CCPG1: variants seen among roughly 807,000 people sequenced by gnomAD.
The protein encoded by CCPG1 is cell cycle progression protein 1.
A neutral mutation model predicts 81.3 loss-of-function variants in CCPG1; 46 were observed. The observed-to-expected ratio is 0.57, with a 90% CI of 0.45 to 0.72. The LOEUF (loss-of-function observed/expected upper bound fraction) is 0.72, where lower values mean the gene tolerates loss of function less well. CCPG1 is among the 30% of genes least tolerant of loss of function. The probability of loss-of-function intolerance (pLI) is 0.00; values close to 1 mark genes in which losing one functional copy is unlikely to be tolerated. For missense variants in CCPG1, 902 were observed against 937.6 expected, an observed-to-expected ratio of 0.96 and a Z score of 0.50; for synonymous variants, 330 against 305.2, an observed-to-expected ratio of 1.08 and a Z score of -0.85.
At chr15:55,383,192 T>A (rs2056735632) in intron 3 of CCPG1, among the ~76,000 whole-genome samples, 1 of 152,228 alleles carries the variant, frequency 6.6e-6, no homozygotes, top group Non-Finnish European at 1.5e-5. Flanking sequence ...TCCTTGTACA[T>A]CTCCATCAGA....
intron 1 of CCPG1, among the ~76,000 whole-genome samples, chr15:55,398,683 G>C (rs147792990): frequency 0.036 from 5,541 of 152,030 alleles, 101 homozygotes; most frequent in African/African-American, 0.05. Context: ...CCGGGTTCAA[G>C]AGATTCTCCT....
intron 6 of CCPG1, among the ~76,000 whole-genome samples, chr15:55,365,633 A>T (rs2056310990): frequency 2.6e-5 from 4 of 151,324 alleles, no homozygotes; most frequent in Admixed American, 1.3e-4. Flanking sequence ...GGCTGGTCTC[A>T]AACTCCCGGC....
chr15:55,356,868 C>G (rs996501332), intron 8 of CCPG1: 1 of 986,164 alleles, frequency 1.0e-6, no homozygotes, highest in Non-Finnish European at 1.2e-6. Flanking sequence ...ATCAGGCTTC[C>G]GTCACTACTT....
chr15:55,371,984 C>A lies in CCPG1; in HGVS notation c.515G>T (p.Ser172Ile), dbSNP rs373187976. The change falls in exon 6 of 9, where the codon AGT becomes ATT. Residue 172 changes from serine to isoleucine, a missense_variant. Physicochemically the swap from Ser to Ile is moderately radical, Grantham distance 142. This residue lies in a region of CCPG1 where 746 missense variants were observed against 728.6 expected (regional missense o/e 1.02). Coordinates refer to ENST00000442196, the MANE Select transcript of CCPG1 (RefSeq NM_001204450.2). ...SSSDETSNQP[S>I]PAFRRRRARK... ...AGCACGGCGTCGTCTAAAGGCAGGA[C>A]TGGGCTGATTACTGGTTTCATCACT... 1.2e-6 allele frequency: 2 copies of A among 1,614,110 alleles called. No homozygotes were observed. The highest frequency in any genetic ancestry group is 2.2e-5 in the East Asian group (1 of 44,890).
At chr15:55,370,936 C>T (rs1396626828) in intron 6 of CCPG1, among the ~76,000 whole-genome samples, 4 of 146,376 alleles carry the variant, frequency 2.7e-5, no homozygotes, top group African/African-American at 1.0e-4. Flanking sequence ...CATGGCAAAA[C>T]CCCGTCTCTA....
At chr15:55,375,865 T>C (rs2056555184) in intron 5 of CCPG1, among the ~76,000 whole-genome samples, 1 of 152,094 alleles carries the variant, frequency 6.6e-6, no homozygotes, top group African/African-American at 2.4e-5. Flanking sequence ...TGGCTTTTTA[T>C]TATTTGTAGA....
intron 6 of CCPG1, among the ~76,000 whole-genome samples, chr15:55,365,690 T>C (rs981287790): frequency 2.6e-5 from 4 of 151,852 alleles, no homozygotes; most frequent in African/African-American, 9.7e-5. Context: ...TGGGATTACA[T>C]GTGTGAGCCA....
intron 1 of CCPG1, chr15:55,398,360 T>TC (rs2057062710): frequency 6.6e-6 from 1 of 151,960 alleles, no homozygotes; most frequent in Non-Finnish European, 1.5e-5. Context: ...CGTCTACAAT[T>TC]CCGAAGTAAG....
At chr15:55,402,399 T>C (rs548935342) in intron 1 of CCPG1, among the ~76,000 whole-genome samples, 18 of 152,238 alleles carry the variant, frequency 1.2e-4, no homozygotes, top group African/African-American at 4.1e-4. Context: ...GGCTAATTTT[T>C]GTATTTTTAG....
chr15:55,406,789 A>C (rs536564528), intron 1 of CCPG1, among the ~76,000 whole-genome samples: 1 of 152,252 alleles, frequency 6.6e-6, no homozygotes, highest in South Asian at 2.1e-4. Context: ...TGGTTTACAA[A>C]ATTGCAATTA....
rs549458968 is a variant in CCPG1 at position 55,395,998 on chromosome 15, A to G, written c.-9-6565T>C. 2.0e-5 allele frequency among the ~76,000 whole-genome samples: 3 copies of G among 152,198 alleles called. No homozygotes were observed. The South Asian group carries it at 6.2e-4, about 32-fold the overall frequency. On this transcript the variant is annotated intron_variant, in intron 1 of 8. Coordinates refer to ENST00000442196, the MANE Select transcript of CCPG1 (RefSeq NM_001204450.2). ...GTGAAACCCCATCTCTACTAAAAAT[A>G]CAAAAATTAGTCGGGCATGCTGGCG...
intron 3 of CCPG1, among the ~76,000 whole-genome samples, chr15:55,379,537 CAG>C (rs1203784751): frequency 1.3e-5 from 2 of 151,742 alleles, no homozygotes; most frequent in Non-Finnish European, 2.9e-5. Context: ...AAAAAAAAGT[CAG>C]AGAGAGGGCA....
rs2056174203 is a variant in CCPG1, at chr15:55,360,656, C to A, written c.1117G>T (p.Glu373Ter). ...ATCTTTGCTTCTGTCAACAGAGTCT[C>A]CCTTTGACTAAGAAAGCTGTGTTTT... ...QKKHSFLSQR[E>*]TLLTEAKMLK... The change falls in exon 8 of 9, where the codon GAG becomes TAG. Residue 373 changes from glutamate to a stop codon, truncating the protein, a stop_gained. Transcript: ENST00000442196. LOFTEE classifies it high-confidence loss of function. 1 of 1,614,002 alleles carries A rather than the reference C, an allele frequency of 6.2e-7. No individual in the cohort carries two copies.
chr15:55,394,678 T>C (rs1379675565), intron 1 of CCPG1, among the ~76,000 whole-genome samples: 1 of 152,030 alleles, frequency 6.6e-6, no homozygotes, highest in African/African-American at 2.4e-5. Context: ...ACAGAACTGA[T>C]CTTTATGGTT....
At chr15:55,405,485 A>C (rs2057200571) in intron 1 of CCPG1, among the ~76,000 whole-genome samples, 1 of 152,136 alleles carries the variant, frequency 6.6e-6, no homozygotes, top group African/African-American at 2.4e-5. Flanking sequence ...AGCTACTAGG[A>C]AGCAGAGGTT....
chr15:55,366,932 A>G lies in CCPG1; in HGVS notation c.707-1623T>C, dbSNP rs145917386. Among the ~76,000 whole-genome samples, 24 of 152,342 alleles carry G rather than the reference A, an allele frequency of 1.6e-4. 1 individual carries two copies. The East Asian group carries it at 4.2e-3, about 27-fold the overall frequency. ...ATGCAGTTAGCAACCTTAACATTAC[A>G]TCTACTGAGTATAGATACTATAGAA... On this transcript the variant is annotated intron_variant, in intron 6 of 8. Coordinates refer to ENST00000442196, the MANE Select transcript of CCPG1 (RefSeq NM_001204450.2).
At chr15:55,356,465 A>T in intron 8 of CCPG1, 56 bp from the exon 9 acceptor site, 1 of 1,385,216 alleles carries the variant, frequency 7.2e-7, no homozygotes, top group Non-Finnish European at 9.5e-7. Flanking sequence ...ATTTAAATTT[A>T]AAACAATTTT....
chr15:55,405,957 C>T (rs1413835807), intron 1 of CCPG1, among the ~76,000 whole-genome samples: 2 of 152,180 alleles, frequency 1.3e-5, no homozygotes, highest in Non-Finnish European at 2.9e-5. Context: ...TTCTGCCTCC[C>T]GGGTTCAAGC....
chr15:55,370,913 C>G (rs922508375), intron 6 of CCPG1, among the ~76,000 whole-genome samples: 1 of 147,042 alleles, frequency 6.8e-6, no homozygotes, highest in Non-Finnish European at 1.5e-5. Flanking sequence ...GACTTCGAGA[C>G]CAGCCTGGCC....
Sources: allele counts gnomAD v4.1 joint callset (sites outside exome capture counted in the v4.1 genomes callset), GRCh38; gene constraint gnomAD v4.1.1; regional missense constraint gnomAD v4.1.1; transcripts MANE v1.5; gene names NCBI Gene and HGNC (gene_info 2026-07-23, HGNC 2026-07-21).